DGKI: variants seen among roughly 807,000 people sequenced by gnomAD.
The protein encoded by DGKI is diacylglycerol kinase iota, also known as DAG kinase iota.
In DGKI, 55 loss-of-function variants were observed where a neutral mutation model predicts 147.5. That is an observed-to-expected ratio of 0.37 (90% CI 0.30 to 0.47). The LOEUF is 0.47. Ranked by LOEUF, DGKI falls within the 20% of genes least tolerant of loss-of-function variation. DGKI has a pLI of 1.00. For synonymous variants in DGKI, 469 were observed against 477.1 expected (o/e 0.98, Z 0.22); for missense variants, 1,007 against 1,323.8 (o/e 0.76, Z 3.71).
intron 30 of DGKI, among the ~76,000 whole-genome samples, chr7:137,403,430 T>A (rs1811836593): frequency 6.6e-6 from 1 of 152,174 alleles, no homozygotes; most frequent in South Asian, 2.1e-4. Flanking sequence ...AGTTGCTGCT[T>A]GTTGTGTCTG....
chr7:137,640,006 GTT>G (rs372124897), intron 6 of DGKI, among the ~76,000 whole-genome samples: 3 of 143,602 alleles, frequency 2.1e-5, no homozygotes, highest in African/African-American at 7.6e-5. Flanking sequence ...TTATTATTAG[GTT>G]TTTTTTTTTT....
intron 21 of DGKI, among the ~76,000 whole-genome samples, chr7:137,504,665 C>T (rs2128944283): frequency 6.6e-6 from 1 of 152,178 alleles, no homozygotes; most frequent in East Asian, 1.9e-4. Context: ...TTTAGATTTA[C>T]TAACATAATC....
rs1813685830 is a variant in DGKI at position 137,445,641 on chromosome 7, C to T, written c.2736-1539G>A. ...GTGTTGAATTGAATTAATCTCAGTT[C>T]CATCACACTGATATTCAGACTGACA... On this transcript the variant is annotated intron_variant, in intron 27 of 32. Coordinates refer to ENST00000614521, the MANE Select transcript of DGKI (RefSeq NM_001321708.2). Among the ~76,000 whole-genome samples, 3 of 152,258 alleles carry T rather than the reference C, an allele frequency of 2.0e-5. No individual in the cohort carries two copies. The South Asian group carries it at 6.2e-4, about 32-fold the overall frequency.
At chr7:137,771,389 C>T (rs1256783550) in intron 1 of DGKI, among the ~76,000 whole-genome samples, 2 of 152,286 alleles carry the variant, frequency 1.3e-5, no homozygotes, top group East Asian at 3.9e-4. Context: ...CCGTGCCAGG[C>T]CAACTTTCTT....
chr7:137,806,068 C>A lies in DGKI; in HGVS notation c.401+40394G>T, dbSNP rs191165396. 1.4e-3 allele frequency among the ~76,000 whole-genome samples: 220 copies of A among 152,314 alleles called. 1 individual carries two copies. The highest frequency in any genetic ancestry group is 5.1e-3 in the African/African-American group (211 of 41,570). On this transcript the variant is annotated intron_variant, in intron 1 of 32. Coordinates refer to ENST00000614521, the MANE Select transcript of DGKI (RefSeq NM_001321708.2). ...ATTATGAAACACTTGGGAGCAAAAACAACTCTTCAACCTCCTTTTTCCACT... is the reference window on the plus strand; with the variant it reads ...ATTATGAAACACTTGGGAGCAAAAAAAACTCTTCAACCTCCTTTTTCCACT...
chr7:137,778,385 G>C (rs1226567540), intron 1 of DGKI, among the ~76,000 whole-genome samples: 1 of 152,172 alleles, frequency 6.6e-6, no homozygotes, highest in African/African-American at 2.4e-5. Flanking sequence ...AGAAAGCAGA[G>C]AGAAAGCAAT....
At chr7:137,771,881 T>C (rs1796208929) in intron 1 of DGKI, 1 of 152,184 alleles carries the variant, frequency 6.6e-6, no homozygotes, top group Admixed American at 6.5e-5. Context: ...GACACTGTTC[T>C]TGGGAATTCC....
Position 137,383,126 on chromosome 7 carries a change from A to C in DGKI, c.*8094T>G, listed in dbSNP as rs539665569. The C allele has an allele frequency of 1.3e-5, 2 of 151,796 alleles. No individual in the cohort carries two copies. Among genetic ancestry groups the C allele is most frequent in the South Asian group, 4.2e-4 (2 of 4,816 alleles). The allele number at this position is 151,796 out of a possible 1,614,324, so 9.4% of individuals were successfully genotyped here. Reference sequence around the variant, plus strand: ...GTAGTAAGTAGGGGAAAGAACACTAAATCCTTTGTTTTCACTTTGACTCCT... The same window carrying C: ...GTAGTAAGTAGGGGAAAGAACACTACATCCTTTGTTTTCACTTTGACTCCT... On this transcript the variant is annotated 3_prime_UTR_variant, in exon 33 of 33. Coordinates refer to ENST00000614521, the MANE Select transcript of DGKI (RefSeq NM_001321708.2).
intron 1 of DGKI, among the ~76,000 whole-genome samples, chr7:137,842,599 C>T (rs1033475509): frequency 1.3e-5 from 2 of 152,118 alleles, no homozygotes; most frequent in African/African-American, 4.8e-5. Flanking sequence ...AAAGAGGTAC[C>T]GATGGGCCAG....
intron 11 of DGKI, among the ~76,000 whole-genome samples, chr7:137,599,394 C>T (rs1819908790): frequency 6.9e-6 from 1 of 144,004 alleles, no homozygotes; most frequent in Admixed American, 6.8e-5. Context: ...CAAGCGCGCG[C>T]ACACACACAC....
chr7:137,455,861 A>G (rs972910959), intron 27 of DGKI, among the ~76,000 whole-genome samples: 2 of 152,140 alleles, frequency 1.3e-5, no homozygotes, highest in Non-Finnish European at 2.9e-5. Context: ...CACACTGAAC[A>G]TGGTAAGTGA....
At chr7:137,716,993 ATCTTTTCTTATGGAACT>A (rs1247189909) in intron 1 of DGKI, among the ~76,000 whole-genome samples, 1 of 152,172 alleles carries the variant, frequency 6.6e-6, no homozygotes, top group Non-Finnish European at 1.5e-5. Flanking sequence ...ATGGGCTTTT[ATCTTTTCTTATGGAACT>A]CATCCTATTC....
chr7:137,846,425 G>T lies in DGKI; in HGVS notation c.401+37C>A, dbSNP rs1360371800. 2 of 1,508,968 alleles carry T rather than the reference G, an allele frequency of 1.3e-6. No individual in the cohort carries two copies. Among genetic ancestry groups the T allele is most frequent in the Non-Finnish European group, 1.8e-6 (2 of 1,108,938 alleles). 93.5% of individuals were successfully genotyped at this position (1,508,968 alleles called of 1,614,324 possible). ...GGTAGAAGAGTGGGTCTCCCGCCGC[G>T]GCGCACCTGTCTCGGCTGCCGGCTC... On this transcript the variant is annotated intron_variant, in intron 1 of 32. Coordinates refer to ENST00000614521, the MANE Select transcript of DGKI (RefSeq NM_001321708.2). The surrounding 1 kb of genome is among the most constrained non-coding windows in gnomAD (Gnocchi z 4.0).
At chr7:137,396,297 C>T (rs1304056484) in intron 31 of DGKI, among the ~76,000 whole-genome samples, 1 of 152,138 alleles carries the variant, frequency 6.6e-6, no homozygotes, top group East Asian at 1.9e-4. Context: ...ACAGTGAGAC[C>T]CTGGGAGAGT....
intron 1 of DGKI, among the ~76,000 whole-genome samples, chr7:137,826,554 T>A (rs1165115933): frequency 2.0e-5 from 3 of 152,250 alleles, no homozygotes; most frequent in Admixed American, 2.0e-4. Context: ...CCTCTGACAG[T>A]GAACAATGTT....
chr7:137,433,204 G>A (rs982130331), intron 28 of DGKI, among the ~76,000 whole-genome samples: 15 of 152,078 alleles, frequency 9.9e-5, no homozygotes, highest in Admixed American at 6.5e-4. Context: ...TTGACAGGTT[G>A]GGCAAACAAA....
At chr7:137,472,561 C>T (rs182105977) in intron 23 of DGKI, among the ~76,000 whole-genome samples, 5 of 149,170 alleles carry the variant, frequency 3.4e-5, no homozygotes, top group African/African-American at 4.9e-5. Context: ...AAAATCTTGA[C>T]ATGTGCTTAG....
chr7:137,527,034 T>C (rs1272464560), intron 20 of DGKI, among the ~76,000 whole-genome samples: 1 of 152,172 alleles, frequency 6.6e-6, no homozygotes, highest in African/African-American at 2.4e-5. Context: ...CCGTTAATAT[T>C]AAGACATGAT....
chr7:137,737,616 A>G (rs1795061321), intron 1 of DGKI, among the ~76,000 whole-genome samples: 1 of 152,034 alleles, frequency 6.6e-6, no homozygotes, highest in South Asian at 2.1e-4. Flanking sequence ...GGCATTTCCT[A>G]TCAACCCAAA....
Sources: allele counts gnomAD v4.1 joint callset (sites outside exome capture counted in the v4.1 genomes callset), GRCh38; gene constraint gnomAD v4.1.1; non-coding constraint Gnocchi (gnomAD v3.1); transcripts MANE v1.5; gene names NCBI Gene and HGNC (gene_info 2026-07-23, HGNC 2026-07-21).